BRWD1: variants seen among roughly 807,000 people sequenced by gnomAD.
BRWD1 encodes bromodomain and WD repeat-containing protein 1.
BRWD1 carries 82 observed loss-of-function variants against 251.2 expected under a neutral mutation model. That is an observed-to-expected ratio of 0.33 (90% CI 0.27 to 0.39). The LOEUF is 0.39. BRWD1 is among the 10% of genes least tolerant of loss of function. The probability of loss-of-function intolerance (pLI) is 1.00; values close to 1 mark genes in which losing one functional copy is unlikely to be tolerated. For synonymous variants in BRWD1, 918 were observed against 902.8 expected, an observed-to-expected ratio of 1.02 and a Z score of -0.30; for missense variants, 2,233 against 2,711.6, an observed-to-expected ratio of 0.82 and a Z score of 3.92.
upstream of BRWD1, among the ~76,000 whole-genome samples, chr21:39,317,541 A>C (rs956711325): frequency 6.6e-6 from 1 of 152,350 alleles, no homozygotes; most frequent in Middle Eastern, 3.4e-3. Flanking sequence ...CCAAGTAGAC[A>C]GTATTATCTT....
At chr21:39,197,852 T>C (rs970287640) in intron 40 of BRWD1, among the ~76,000 whole-genome samples, 8 of 152,150 alleles carry the variant, frequency 5.3e-5, no homozygotes, top group Admixed American at 1.3e-4. Context: ...CACTAAGCAA[T>C]GGAAATTTTT....
Position 39,232,342 on chromosome 21 carries a change from A to G in BRWD1, c.2892+31T>C, listed in dbSNP as rs1457427327. 6 of 1,599,328 alleles carry G rather than the reference A, an allele frequency of 3.8e-6. No homozygotes were observed. The African/African-American group carries it at 8.1e-5, about 22-fold the overall frequency. On this transcript the variant is annotated intron_variant, in intron 24 of 40. Coordinates refer to ENST00000342449, the MANE Select transcript of BRWD1 (RefSeq NM_033656.4). ...GAGCAATATAAACTTTATGTTCCAT[A>G]TTCGTGTTTTTAAATTTGTATTACT...
At chr21:39,241,488 A>T (rs1189135784) in intron 21 of BRWD1, among the ~76,000 whole-genome samples, 60 of 119,604 alleles carry the variant, frequency 5.0e-4, no homozygotes, top group African/African-American at 2.3e-3. Flanking sequence ...AAAAAAAAAA[A>T]AAAAAAAAAA....
intron 8 of BRWD1, among the ~76,000 whole-genome samples, chr21:39,280,757 T>C (rs1324627666): frequency 1.3e-5 from 2 of 152,210 alleles, no homozygotes; most frequent in Non-Finnish European, 2.9e-5. Context: ...ATTACAATTG[T>C]GCAGTAATCT....
rs2234548 is a variant in BRWD1 at position 39,196,602 on chromosome 21, T to C, written c.6467A>G (p.Lys2156Arg). 2.4e-3 allele frequency: 3,878 copies of C among 1,613,474 alleles called. 9 individuals carry two copies. The highest frequency in any genetic ancestry group is 3.0e-3 in the Non-Finnish European group (3,505 of 1,179,752). The change falls in exon 41 of 41, where the codon AAA (lysine) becomes AGA (arginine). Residue 2156 changes from lysine (K) to arginine (R), a missense_variant. This residue lies in a region of BRWD1 where 928 missense variants were observed against 970.0 expected (regional missense o/e 0.96). Transcript: ENST00000342449. ...AGTTACAGATCCCAAATCTGATGAT[T>C]TGGAACTAGTATCAGGTCTAAACTT... ...NSKFRPDTSS[K>R]SSDLGSVTES...
chr21:39,304,712 CA>C (rs779485241), intron 4 of BRWD1, among the ~76,000 whole-genome samples: 11 of 151,740 alleles, frequency 7.2e-5, no homozygotes, highest in Non-Finnish European at 1.6e-4. Flanking sequence ...CATGTGAACA[CA>C]AAAAGGTTGA....
At position 39,192,957 on chromosome 21, in the gene BRWD1, G is replaced by A. The variant is rs1169236434; in HGVS notation, c.*3302C>T. ...AAAAAAAAAGTCTAGAAGACAGAGG[G>A]AATGTAGTGTGCACCCCTTATTCTA... On this transcript the variant is annotated 3_prime_UTR_variant, in exon 41 of 41. Coordinates refer to ENST00000342449, the MANE Select transcript of BRWD1 (RefSeq NM_033656.4). 3.0e-6 allele frequency: 3 copies of A among 984,458 alleles called. No individual in the cohort carries two copies. Among genetic ancestry groups the A allele is most frequent in the Middle Eastern group, 5.2e-4 (1 of 1,912 alleles). 61.0% of individuals were successfully genotyped at this position (984,458 alleles called of 1,614,324 possible). A position where few individuals can be genotyped will look rare whatever the true frequency, so the allele number is the denominator to read the frequency against.
rs2036097788 is a variant in BRWD1, at chr21:39,301,076, G to A, written c.199-2494C>T. ...TGCCTGTAGTCCCAGCTGCTGGGGA[G>A]ACTGAGGCAGGAGAATGGCGTGAAC... is the stretch of plus-strand genomic sequence containing the variant. On this transcript the variant is annotated intron_variant, in intron 4 of 40. Transcript: ENST00000342449. Among the ~76,000 whole-genome samples, 3 of 152,018 alleles carry A rather than the reference G, an allele frequency of 2.0e-5. No homozygotes were observed. The South Asian group carries it at 6.2e-4, about 32-fold the overall frequency.
At chr21:39,289,821 G>A (rs1019206231) in intron 8 of BRWD1, among the ~76,000 whole-genome samples, 1 of 151,860 alleles carries the variant, frequency 6.6e-6, no homozygotes, top group African/African-American at 2.4e-5. Flanking sequence ...TCAGGAGATC[G>A]AGACCATCTT....
intron 8 of BRWD1, among the ~76,000 whole-genome samples, chr21:39,286,010 T>A: frequency 8.3e-6 from 1 of 121,146 alleles, no homozygotes; most frequent in Non-Finnish European, 1.7e-5. Flanking sequence ...AAACTCACCA[T>A]ATGAACTTTT....
chr21:39,246,108 T>G (rs2034180215), intron 21 of BRWD1, among the ~76,000 whole-genome samples: 1 of 151,480 alleles, frequency 6.6e-6, no homozygotes, highest in African/African-American at 2.4e-5. Context: ...ACCAAAGAAG[T>G]GAAAAGACAA....
At chr21:39,224,302 T>C (rs1185724862) in intron 29 of BRWD1, 106 bp downstream of exon 29, 5 of 590,864 alleles carry the variant, frequency 8.5e-6, no homozygotes, top group East Asian at 6.4e-5. Context: ...ACTGTAATAA[T>C]TTGAATATAT....
chr21:39,279,930 T>C (rs1289214901), intron 9 of BRWD1, among the ~76,000 whole-genome samples: 2 of 152,144 alleles, frequency 1.3e-5, no homozygotes, highest in African/African-American at 2.4e-5. Flanking sequence ...TGTGCTAAGA[T>C]AGAAAAGCTA....
Position 39,198,969 on chromosome 21 carries a change from G to T in BRWD1, c.5447C>A (p.Thr1816Asn), listed in dbSNP as rs747796867. 16 of 1,613,742 alleles carry T rather than the reference G, an allele frequency of 9.9e-6. No homozygotes were observed. Among genetic ancestry groups the T allele is most frequent in the African/African-American group, 4.0e-5 (3 of 74,810 alleles). ...GTCTTCTGAGTCACTCAGAATCTTG[G>T]TTTTTTTAAAGAAACTCGCATTCTT... ...FHKNASFFKKTKILSDSEDSE... is the reference protein window; with the variant it reads ...FHKNASFFKKNKILSDSEDSE... The change falls in exon 40 of 41, where the codon ACC becomes AAC. Residue 1816 changes from threonine (T) to asparagine (N), a missense_variant. By Grantham distance (65) the Thr-to-Asn change is moderately conservative. Around this residue, in one of 12 missense-constraint regions of BRWD1, gnomAD observed 928 missense variants for 970.0 expected, o/e 0.96. Coordinates refer to ENST00000342449, the MANE Select transcript of BRWD1 (RefSeq NM_033656.4).
At chr21:39,229,489 A>AT in intron 25 of BRWD1, 53 bp from the exon 26 acceptor site, 1 of 1,492,438 alleles carries the variant, frequency 6.7e-7, no homozygotes, top group African/African-American at 1.4e-5. Context: ...CCTTAATACT[A>AT]TAATTCTCCA....
chr21:39,194,644 T>C lies in BRWD1; in HGVS notation c.*1615A>G. The C allele has an allele frequency of 2.6e-6, 4 of 1,532,530 alleles. No homozygotes were observed. Among genetic ancestry groups the C allele is most frequent in the Non-Finnish European group, 3.5e-6 (4 of 1,144,630 alleles). The allele number at this position is 1,532,530 out of a possible 1,614,324, so 94.9% of individuals were successfully genotyped here. ...GTACCTTCTACTATGTCAAATGGAA[T>C]AGATAACTACAAAATAGGAACACTT... On this transcript the variant is annotated 3_prime_UTR_variant, in exon 41 of 41. Transcript: ENST00000342449.
chr21:39,234,686 A>T (rs943190700), intron 23 of BRWD1, among the ~76,000 whole-genome samples: 2 of 152,222 alleles, frequency 1.3e-5, no homozygotes, highest in Non-Finnish European at 2.9e-5. Context: ...AGCTCAGGGA[A>T]CATGTTAAAC....
chr21:39,302,417 T>C (rs1239930907), intron 4 of BRWD1, among the ~76,000 whole-genome samples: 3 of 152,108 alleles, frequency 2.0e-5, no homozygotes, highest in Non-Finnish European at 4.4e-5. Flanking sequence ...CAAGTGATTA[T>C]TGACTTTAAA....
At chr21:39,282,715 T>C (rs1036342697) in intron 8 of BRWD1, among the ~76,000 whole-genome samples, 1 of 152,140 alleles carries the variant, frequency 6.6e-6, no homozygotes, top group Admixed American at 6.5e-5. Context: ...CCCAGCACTT[T>C]GGAAGGCCAA....
Sources: gnomAD v4.1 joint callset for allele counts (sites outside exome capture counted in the v4.1 genomes callset) on GRCh38, gnomAD v4.1.1 for gene constraint, gnomAD v4.1.1 regional missense constraint, MANE v1.5 for transcripts, NCBI Gene and HGNC (gene_info 2026-07-23, HGNC 2026-07-21) for gene names.